The following ITFG1 variants were observed in gnomAD, a reference collection of about 807,000 sequenced individuals.
ITFG1 encodes T-cell immunomodulatory protein.
Under a neutral mutation model 81.8 loss-of-function variants are expected in ITFG1, and 34 were observed. The observed-to-expected ratio is 0.42, with a 90% CI of 0.32 to 0.55. The LOEUF is 0.55. ITFG1 is among the 20% of genes least tolerant of loss of function. The pLI, the probability that ITFG1 is intolerant of heterozygous loss-of-function variation, is 0.17. For synonymous variants in ITFG1, 285 were observed against 270.6 expected, an observed-to-expected ratio of 1.05 and a Z score of -0.52; for missense variants, 672 against 755.4, an observed-to-expected ratio of 0.89 and a Z score of 1.29.
rs138417162 is a variant in ITFG1 at position 47,209,479 on chromosome 16, C to G, written c.1453+9389G>C. The stretch of plus-strand genomic sequence containing the variant: ...CACAGATCTTACAGTGATTTTTAAA[C>G]TAAACTTTTTATTTTGAGATAATTT... On this transcript the variant is annotated intron_variant, in intron 14 of 17. Coordinates refer to ENST00000320640, the MANE Select transcript of ITFG1 (RefSeq NM_030790.5). Among the ~76,000 whole-genome samples the G allele has an allele frequency of 2.5e-3, 382 of 152,204 alleles. 2 individuals carry two copies. Among genetic ancestry groups the G allele is most frequent in the African/African-American group, 8.4e-3 (349 of 41,536 alleles).
At chr16:47,232,421 GT>G (rs1965825144) in intron 13 of ITFG1, among the ~76,000 whole-genome samples, 1 of 152,112 alleles carries the variant, frequency 6.6e-6, no homozygotes, top group Admixed American at 6.5e-5. Flanking sequence ...AGTAGAAAGG[GT>G]ATTAAATAGT....
chr16:47,248,644 T>C (rs1966030162), intron 12 of ITFG1, among the ~76,000 whole-genome samples: 1 of 152,204 alleles, frequency 6.6e-6, no homozygotes, highest in Non-Finnish European at 1.5e-5. Context: ...AAAAATTTCA[T>C]CACCTGTGCT....
intron 14 of ITFG1, among the ~76,000 whole-genome samples, chr16:47,182,387 A>G (rs78690468): frequency 4.3e-5 from 4 of 94,114 alleles, no homozygotes; most frequent in Non-Finnish European, 8.5e-5. Context: ...GGTGGCTCTC[A>G]AAAAAAAAAA....
chr16:47,453,533 G>A (rs1232763636), intron 3 of ITFG1, among the ~76,000 whole-genome samples: 2 of 152,218 alleles, frequency 1.3e-5, no homozygotes, highest in Non-Finnish European at 2.9e-5. Flanking sequence ...GGTAAAGGCT[G>A]TTTCTCTGCT....
chr16:47,203,329 T>C (rs773839669), intron 14 of ITFG1, among the ~76,000 whole-genome samples: 1 of 152,250 alleles, frequency 6.6e-6, no homozygotes, highest in Non-Finnish European at 1.5e-5. Flanking sequence ...ACTGGTTTTG[T>C]GGAAGACAAT....
chr16:47,342,814 T>G (rs1967802174), intron 8 of ITFG1, among the ~76,000 whole-genome samples: 2 of 152,138 alleles, frequency 1.3e-5, no homozygotes, highest in African/African-American at 4.8e-5. Flanking sequence ...GTTGAAATGC[T>G]TGTAAACTAT....
intron 10 of ITFG1, among the ~76,000 whole-genome samples, chr16:47,292,151 T>C (rs1439282380): frequency 6.6e-6 from 1 of 152,014 alleles, no homozygotes; most frequent in African/African-American, 2.4e-5. Flanking sequence ...GTTGCTGGGA[T>C]TACAGGCGCC....
At position 47,170,432 on chromosome 16, in the gene ITFG1, C is replaced by CT. The variant is rs370502887; in HGVS notation, c.1454-7769dup. ...GTATTGTGTGTGTTTCTAGGGAACA[C>CT]TTTTTTTTTTTTTTGAGACAAGAGT... On this transcript the variant is annotated intron_variant, in intron 14 of 17. Coordinates refer to ENST00000320640, the MANE Select transcript of ITFG1 (RefSeq NM_030790.5). Among the ~76,000 whole-genome samples the CT allele has an allele frequency of 5.2e-3, 738 of 142,914 alleles. 4 individuals are homozygous for CT. The highest frequency in any genetic ancestry group is 0.016 in the South Asian group (71 of 4,512). 93.8% of individuals were successfully genotyped at this position (142,914 alleles called of 152,430 possible).
At chr16:47,392,743 A>G (rs1029064454) in intron 6 of ITFG1, among the ~76,000 whole-genome samples, 1 of 152,228 alleles carries the variant, frequency 6.6e-6, no homozygotes, top group African/African-American at 2.4e-5. Flanking sequence ...GTCTAACACA[A>G]TGCTCTGTTG....
intron 6 of ITFG1, among the ~76,000 whole-genome samples, chr16:47,419,478 C>T (rs1441787169): frequency 1.3e-5 from 2 of 152,104 alleles, no homozygotes; most frequent in South Asian, 4.2e-4. Flanking sequence ...TGCCATGTTG[C>T]CCAGGCTGGT....
At chr16:47,413,710 G>C (rs1968838847) in intron 6 of ITFG1, among the ~76,000 whole-genome samples, 1 of 151,962 alleles carries the variant, frequency 6.6e-6, no homozygotes, top group African/African-American at 2.4e-5. Context: ...AAATACTGTA[G>C]TACATAGCCC....
At position 47,419,701 on chromosome 16, in the gene ITFG1, C is replaced by T. The variant is rs138410191; in HGVS notation, c.655+9103G>A. Among the ~76,000 whole-genome samples the T allele has an allele frequency of 7.3e-3, 1,058 of 144,260 alleles. 16 individuals carry two copies. Among genetic ancestry groups the T allele is most frequent in the African/African-American group, 0.026 (1,013 of 39,250 alleles). 94.6% of individuals were successfully genotyped at this position (144,260 alleles called of 152,430 possible). A position where few individuals can be genotyped will look rare whatever the true frequency, so the allele number is the denominator to read the frequency against. ...CACTGCAACCTCTGCCTCCCAGGTT[C>T]AAGCAATTCTCCTGCCTCAGCCTCC... On this transcript the variant is annotated intron_variant, in intron 6 of 17. Coordinates refer to ENST00000320640, the MANE Select transcript of ITFG1 (RefSeq NM_030790.5).
intron 8 of ITFG1, among the ~76,000 whole-genome samples, chr16:47,344,836 C>G (rs1448089314): frequency 6.6e-6 from 1 of 152,172 alleles, no homozygotes; most frequent in Non-Finnish European, 1.5e-5. Context: ...CTTTCTGTGC[C>G]TGGCTTATTT....
chr16:47,311,165 G>T, intron 10 of ITFG1, 75 bp downstream of exon 10: 3 of 1,038,492 alleles, frequency 2.9e-6, no homozygotes, highest in Middle Eastern at 2.3e-4. Flanking sequence ...GTACTATTCA[G>T]TTGCAAAGTA....
At chr16:47,409,400 A>AT (rs1968776759) in intron 6 of ITFG1, among the ~76,000 whole-genome samples, 31 of 12,690 alleles carry the variant, frequency 2.4e-3, no homozygotes, top group African/African-American at 7.2e-3. Context: ...ATATATATAT[A>AT]TATATTTTTT....
intron 5 of ITFG1, among the ~76,000 whole-genome samples, chr16:47,444,969 C>T (rs781717524): frequency 5.3e-5 from 8 of 152,026 alleles, no homozygotes; most frequent in South Asian, 2.1e-4. Flanking sequence ...ACAATACTCA[C>T]GTAATGAAAT....
At chr16:47,278,051 A>G (rs1182478434) in intron 10 of ITFG1, among the ~76,000 whole-genome samples, 2 of 152,218 alleles carry the variant, frequency 1.3e-5, no homozygotes, top group Admixed American at 1.3e-4. Context: ...ATTTATTCAC[A>G]TATCTACCTG....
chr16:47,454,557 T>C (rs1371249925), intron 2 of ITFG1, among the ~76,000 whole-genome samples: 1 of 152,176 alleles, frequency 6.6e-6, no homozygotes, highest in East Asian at 1.9e-4. Context: ...AATTAAAAGA[T>C]ATTATTTATA....
intron 7 of ITFG1, among the ~76,000 whole-genome samples, chr16:47,373,281 C>T (rs1435774527): frequency 7.2e-5 from 11 of 152,020 alleles, no homozygotes; most frequent in Non-Finnish European, 2.9e-5. Context: ...TTGAATACTA[C>T]ATCTTTTTTT....
Sources: allele counts gnomAD v4.1 joint callset (sites outside exome capture counted in the v4.1 genomes callset), GRCh38; gene constraint gnomAD v4.1.1; transcripts MANE v1.5; gene names NCBI Gene and HGNC (gene_info 2026-07-23, HGNC 2026-07-21).